DNHD1: variants seen among roughly 807,000 people sequenced by gnomAD.
DNHD1 encodes dynein heavy chain domain 1.
DNHD1 carries 383 observed loss-of-function variants against 458.1 expected under a neutral mutation model. The ratio of observed to expected loss-of-function variants is 0.84; its 90% CI spans 0.77 to 0.91. The LOEUF is 0.91. Ranked by LOEUF, DNHD1 falls within the 40% of genes least tolerant of loss-of-function variation. The pLI is 0.00. For synonymous variants in DNHD1, 2,203 were observed against 2,376.9 expected, an observed-to-expected ratio of 0.93 and a Z score of 2.13; for missense variants, 5,336 against 5,866.1, an observed-to-expected ratio of 0.91 and a Z score of 2.95.
rs767535245 is a variant in DNHD1 at position 6,571,464 on chromosome 11, C to G, written c.13911+41C>G. 2.6e-6 allele frequency: 4 copies of G among 1,517,622 alleles called. No homozygotes were observed. Among genetic ancestry groups the G allele is most frequent in the Non-Finnish European group, 2.7e-6 (3 of 1,127,702 alleles). The allele number at this position is 1,517,622 out of a possible 1,614,324, so 94.0% of individuals were successfully genotyped here. A position where few individuals can be genotyped will look rare whatever the true frequency, so the allele number is the denominator to read the frequency against. Reference sequence around the variant, plus strand: ...CCCTCGTTCGCGGTTCCAGTCCCCTCGAAGTCTCTAATTACACCTCGCAGT... The same window carrying G: ...CCCTCGTTCGCGGTTCCAGTCCCCTGGAAGTCTCTAATTACACCTCGCAGT... On this transcript the variant is annotated intron_variant, in intron 42 of 42. Transcript: ENST00000254579. This position sits in a 1 kb window ranked among gnomAD's most constrained non-coding sequence, Gnocchi z 5.0.
rs192904145 is a variant in DNHD1 at position 6,545,802 on chromosome 11, G to T, written c.4863G>T (p.Gln1621His). The T allele has an allele frequency of 5.8e-6, 9 of 1,551,766 alleles. No homozygotes were observed. In the African/African-American group the frequency reaches 8.2e-5, roughly 14 times the overall value. ...SPHIIPKSPL[Q>H]SLKTIASSEP... is the part of the protein sequence containing the mutation. ...ACATAATCCCCAAAAGCCCCCTACA[G>T]AGTCTTAAGACTATTGCATCTTCTG... is the stretch of plus-strand genomic sequence containing the variant. Residue 1621 changes from glutamine to histidine, a missense_variant, in exon 21 of 43, where the codon CAG becomes CAT. By Grantham distance (24) the Gln-to-His change is conservative (BLOSUM62 0). Transcript: ENST00000254579. This position sits in a 1 kb window ranked among gnomAD's most constrained non-coding sequence, Gnocchi z 4.9.
Position 6,557,191 on chromosome 11 carries a change from T to C in DNHD1, c.7896T>C (p.Thr2632=), listed in dbSNP as rs1395532646. The change falls in exon 25 of 43, where the codon ACT becomes ACC. Residue 2632 remains threonine, a synonymous_variant. Transcript: ENST00000254579. Reference sequence around the variant, plus strand: ...GCCGGGTGTCAGGCCTGCGAGGCACTTGTCTGACCGTTATGATGGCCACAC... The same window carrying C: ...GCCGGGTGTCAGGCCTGCGAGGCACCTGTCTGACCGTTATGATGGCCACAC... ...HLRRVSGLRG[T]CLTVMMATRN... The C allele has an allele frequency of 2.6e-6, 4 of 1,551,572 alleles. No homozygotes were observed. The highest frequency in any genetic ancestry group is 1.4e-5 in the African/African-American group (1 of 73,056).
chr11:6,563,510 T>A lies in DNHD1; in HGVS notation c.9798T>A (p.His3266Gln), dbSNP rs1370215470. Residue 3266 changes from histidine to glutamine, a missense_variant, in exon 30 of 43, where the codon CAT becomes CAA. Around this residue, in one of 4 missense-constraint regions of DNHD1, gnomAD observed 3,932 missense variants for 4,365.6 expected, o/e 0.90. Transcript: ENST00000254579. The stretch of plus-strand genomic sequence containing the variant: ...ATGCAATGTGTGACTTGTTCCACCA[T>A]GAAACAGGCTGGGCCAGTGCCAAAC... Reference protein sequence around the residue: ...VTDAMCDLFHHETGWASAKQL... With the variant: ...VTDAMCDLFHQETGWASAKQL... The A allele has an allele frequency of 6.4e-7, 1 of 1,551,706 alleles. No homozygotes were observed. Among genetic ancestry groups the A allele is most frequent in the Non-Finnish European group, 8.7e-7 (1 of 1,146,996 alleles).
At chr11:6,566,819 A>G in intron 35 of DNHD1, 54 bp downstream of exon 35, 1 of 1,598,792 alleles carries the variant, frequency 6.3e-7, no homozygotes, top group South Asian at 1.1e-5. Context: ...GACCTGGGTA[A>G]GGGGGTGGAG....
Position 6,558,664 on chromosome 11 carries a change from AG to A in DNHD1, c.9185del (p.Gly3062ValfsTer55). On this transcript the variant is annotated frameshift_variant, in exon 26 of 43. Coordinates refer to ENST00000254579, the MANE Select transcript of DNHD1 (RefSeq NM_144666.3). LOFTEE classifies it high-confidence loss of function. ...ALAKVAQHHL[E>X]GAQSVPLDDG... ...GCCAAGGTGGCCCAGCATCACCTGG[AG>A]GGTGCTCAGAGTGTGCCCCTTGATG... 1 of 1,551,066 alleles carries A rather than the reference AG, an allele frequency of 6.4e-7. No individual in the cohort carries two copies. Among genetic ancestry groups the A allele is most frequent in the Non-Finnish European group, 8.7e-7 (1 of 1,146,992 alleles).
chr11:6,499,488 C>A (rs1333448064), intron 3 of DNHD1, among the ~76,000 whole-genome samples: 2 of 152,100 alleles, frequency 1.3e-5, no homozygotes, highest in East Asian at 3.9e-4. Flanking sequence ...TCATTTTGAC[C>A]CTTCCAGAGT....
intron 7 of DNHD1, among the ~76,000 whole-genome samples, chr11:6,515,030 T>C (rs898740784): frequency 6.6e-6 from 1 of 152,114 alleles, no homozygotes; most frequent in African/African-American, 2.4e-5. Flanking sequence ...ACTAACCCAC[T>C]CCCATGATCA....
chr11:6,506,748 C>G (rs1284940953), intron 4 of DNHD1, among the ~76,000 whole-genome samples: 1 of 152,170 alleles, frequency 6.6e-6, no homozygotes, highest in South Asian at 2.1e-4. Context: ...GCCAATCTCC[C>G]TTTGCCTGTT....
rs1380279423 is a variant in DNHD1, at chr11:6,567,796, G to T, written c.12287G>T (p.Gly4096Val). 1 of 1,613,702 alleles carries T rather than the reference G, an allele frequency of 6.2e-7. No individual in the cohort carries two copies. Among genetic ancestry groups the T allele is most frequent in the Admixed American group, 1.7e-5 (1 of 60,024 alleles). Residue 4096 changes from glycine (G) to valine (V), a missense_variant, in exon 36 of 43, where the codon GGC becomes GTC. Gly to Val is a moderately radical substitution (Grantham distance 109). Coordinates refer to ENST00000254579, the MANE Select transcript of DNHD1 (RefSeq NM_144666.3). ...QPMLILLPPP[G>V]HPSATLHPLT... is the part of the protein sequence containing the mutation. ...ATGCTGATCTTGTTGCCACCGCCTGGCCACCCCTCAGCCACTCTGCATCCT... is the reference window on the plus strand; with the variant it reads ...ATGCTGATCTTGTTGCCACCGCCTGTCCACCCCTCAGCCACTCTGCATCCT...
chr11:6,563,301 A>G (rs1188372854), intron 29 of DNHD1, 81 bp from the exon 30 acceptor site: 2 of 1,504,620 alleles, frequency 1.3e-6, no homozygotes, highest in East Asian at 4.9e-5. Context: ...GACTCCAAGG[A>G]GATGATTCCC....
In DNHD1 at chr11:6,567,998, C is replaced by T; in HGVS notation, c.12352-58C>T. 3 of 1,492,986 alleles carry T rather than the reference C, an allele frequency of 2.0e-6. No individual in the cohort carries two copies. In the South Asian group the frequency reaches 4.0e-5, roughly 20 times the overall value. 92.5% of individuals were successfully genotyped at this position (1,492,986 alleles called of 1,614,324 possible). Reference sequence around the variant, plus strand: ...GATCATGGTAGCATTAGTTTGGGTCCCTCGGGTCACCCTAGGATCACTTTG... The same window carrying T: ...GATCATGGTAGCATTAGTTTGGGTCTCTCGGGTCACCCTAGGATCACTTTG... On this transcript the variant is annotated intron_variant, in intron 36 of 42. Transcript: ENST00000254579.
At chr11:6,513,708 TA>T (rs780672089) in intron 7 of DNHD1, among the ~76,000 whole-genome samples, 16 of 152,354 alleles carry the variant, frequency 1.1e-4, no homozygotes, top group African/African-American at 3.6e-4. Context: ...CATAAGCATT[TA>T]TTTTTTTGGG....
rs531024317 is a variant in DNHD1 at position 6,545,110 on chromosome 11, G to A, written c.4171G>A (p.Val1391Met). ...QLWVRRCFPH[V>M]HAVSFRSCPT... ...ATGGGTACGACGCTGCTTTCCTCAT[G>A]TGCATGCTGTGAGCTTCAGGTCTTG... Residue 1391 changes from valine (V) to methionine (M), a missense_variant, in exon 21 of 43, where the codon GTG becomes ATG. Transcript: ENST00000254579. This position sits in a 1 kb window ranked among gnomAD's most constrained non-coding sequence, Gnocchi z 4.9. 8 of 1,552,152 alleles carry A rather than the reference G, an allele frequency of 5.2e-6. No individual in the cohort carries two copies. The highest frequency in any genetic ancestry group is 2.4e-5 in the East Asian group (1 of 40,928).
At chr11:6,537,421 A>G (rs568528548) in intron 14 of DNHD1, among the ~76,000 whole-genome samples, 1 of 152,344 alleles carries the variant, frequency 6.6e-6, no homozygotes, top group East Asian at 1.9e-4. Context: ...CTTGAGGTAC[A>G]TCAGTGAACA....
intron 7 of DNHD1, among the ~76,000 whole-genome samples, chr11:6,517,309 TA>T (rs1852495641): frequency 6.6e-6 from 1 of 152,244 alleles, no homozygotes; most frequent in African/African-American, 2.4e-5. Context: ...ATCTTATAAC[TA>T]AAAGTTTGAA....
In DNHD1 at chr11:6,563,092, G is replaced by T. The variant is rs1269069053; in HGVS notation, c.9630G>T (p.Arg3210=). The change falls in exon 29 of 43, where the codon CGG becomes CGT. Residue 3210 remains arginine, a synonymous_variant. Coordinates refer to ENST00000254579, the MANE Select transcript of DNHD1 (RefSeq NM_144666.3). ...ENLIENLARQ[R]DALQAQREAF... is the part of the protein sequence containing the mutation. The stretch of plus-strand genomic sequence containing the variant: ...TCATTGAGAACCTGGCCAGGCAACG[G>T]GATGCCCTGCAAGCTCAGCGAGAGG... 1.9e-6 allele frequency: 3 copies of T among 1,551,544 alleles called. No individual in the cohort carries two copies. Among genetic ancestry groups the T allele is most frequent in the Non-Finnish European group, 2.6e-6 (3 of 1,146,988 alleles).
intron 24 of DNHD1, among the ~76,000 whole-genome samples, chr11:6,552,573 G>A (rs773836937): frequency 6.6e-6 from 1 of 151,990 alleles, no homozygotes; most frequent in Non-Finnish European, 1.5e-5. Context: ...AGTTCCGCAT[G>A]GATGGGGAGC....
At chr11:6,534,825 C>A (rs113307123) in intron 14 of DNHD1, among the ~76,000 whole-genome samples, 3,460 of 152,298 alleles carry the variant, frequency 0.023, 131 homozygotes, top group African/African-American at 0.079. Context: ...CAGCTCACTG[C>A]AGCCTCAGCC....
chr11:6,512,367 C>T (rs1852358650), intron 7 of DNHD1, among the ~76,000 whole-genome samples: 1 of 148,232 alleles, frequency 6.7e-6, no homozygotes. Flanking sequence ...ACTACAGGCA[C>T]CCACCACCAT....
Sources: allele counts gnomAD v4.1 joint callset (sites outside exome capture counted in the v4.1 genomes callset), GRCh38; gene constraint gnomAD v4.1.1; regional missense constraint gnomAD v4.1.1; non-coding constraint Gnocchi (gnomAD v3.1); transcripts MANE v1.5; gene names NCBI Gene and HGNC (gene_info 2026-07-23, HGNC 2026-07-21).